The following ANK3 variants were observed in gnomAD, a reference collection of about 807,000 sequenced individuals.
ANK3 encodes ankyrin-3.
A neutral mutation model predicts 370.9 loss-of-function variants in ANK3; 57 were observed. That is an observed-to-expected ratio of 0.15 (90% CI 0.12 to 0.19). The LOEUF is 0.19. Among genes scored for constraint, ANK3 ranks in the 10% least tolerant of loss-of-function variants. The probability of loss-of-function intolerance (pLI) is 1.00; values close to 1 mark genes in which losing one functional copy is unlikely to be tolerated. For missense variants in ANK3, 4,439 were observed against 5,302.1 expected (o/e 0.84, Z 5.06); for synonymous variants, 1,929 against 1,946.3 (o/e 0.99, Z 0.23).
chr10:60,291,516 G>A (rs190532549), intron 1 of ANK3, among the ~76,000 whole-genome samples: 42 of 152,098 alleles, frequency 2.8e-4, no homozygotes, highest in Middle Eastern at 3.4e-3. Context: ...GGAACTGGTA[G>A]GATGATTTGA....
At chr10:60,255,532 TAAATAAA>T (rs1487043285) in intron 7 of ANK3, among the ~76,000 whole-genome samples, 1 of 152,144 alleles carries the variant, frequency 6.6e-6, no homozygotes, top group Non-Finnish European at 1.5e-5. Flanking sequence ...CAATAGCAGA[TAAATAAA>T]ATTATATTTG....
intron 1 of ANK3, among the ~76,000 whole-genome samples, chr10:60,637,657 A>C (rs1271586233): frequency 6.6e-6 from 1 of 152,238 alleles, no homozygotes; most frequent in East Asian, 1.9e-4. Context: ...AAATAAGGGA[A>C]GAATTAAATA....
At chr10:60,668,025 T>A (rs1001438797) in intron 1 of ANK3, among the ~76,000 whole-genome samples, 4 of 151,512 alleles carry the variant, frequency 2.6e-5, no homozygotes, top group African/African-American at 9.8e-5. Context: ...TTCTAGCAAA[T>A]TCCCAGGTGA....
intron 1 of ANK3, among the ~76,000 whole-genome samples, chr10:60,303,571 T>TA (rs1196310916): frequency 1.3e-5 from 2 of 151,960 alleles, no homozygotes; most frequent in Non-Finnish European, 2.9e-5. Flanking sequence ...TAGCTATTAT[T>TA]AAAAAAACAA....
At chr10:60,448,437 G>A (rs953851203) in intron 2 of ANK3, among the ~76,000 whole-genome samples, 1 of 152,196 alleles carries the variant, frequency 6.6e-6, no homozygotes, top group African/African-American at 2.4e-5. Context: ...AACTGCCCTG[G>A]CAGAGGAACA....
At position 60,072,908 on chromosome 10, in the gene ANK3, C is replaced by T. The variant is rs1387264748; in HGVS notation, c.7973G>A (p.Gly2658Asp). The T allele has an allele frequency of 6.2e-7, 1 of 1,614,052 alleles. No homozygotes were observed. The highest frequency in any genetic ancestry group is 2.2e-5 in the East Asian group (1 of 44,874). Residue 2658 changes from glycine to aspartate, a missense_variant, in exon 37 of 44, where the codon GGC becomes GAC. Physicochemically the swap from Gly to Asp is moderately conservative, Grantham distance 94. This residue lies in a region of ANK3 where 1,601 missense variants were observed against 1,731.7 expected (regional missense o/e 0.92). Transcript: ENST00000280772. ...TGCCTTCTCCTCGGCCTTGGGGAAG[C>T]CTTGTCCATCAGGGCCATGCTGTCT... Reference protein sequence around the residue: ...KARQHGPDGQGFPKAEEKAPS... With the variant: ...KARQHGPDGQDFPKAEEKAPS...
chr10:60,389,373 A>G, intron 1 of ANK3, 52 bp downstream of exon 1: 1 of 1,555,334 alleles, frequency 6.4e-7, no homozygotes, highest in Non-Finnish European at 8.8e-7. Context: ...CCAGAGGGAG[A>G]TTAAAACAAA....
At chr10:60,517,127 C>T (rs1165874209) in intron 2 of ANK3, among the ~76,000 whole-genome samples, 4 of 152,062 alleles carry the variant, frequency 2.6e-5, no homozygotes, top group Non-Finnish European at 5.9e-5. Flanking sequence ...TGCACTGGCG[C>T]GATCTTGGCT....
At chr10:60,061,596 C>T (rs1564697218) in intron 40 of ANK3, among the ~76,000 whole-genome samples, 2 of 152,084 alleles carry the variant, frequency 1.3e-5, no homozygotes, top group Non-Finnish European at 2.9e-5. Context: ...TATGGCCTTG[C>T]ATATAAGACA....
At chr10:60,038,339 A>G (rs2075484557) in intron 43 of ANK3, among the ~76,000 whole-genome samples, 1 of 152,168 alleles carries the variant, frequency 6.6e-6, no homozygotes, top group South Asian at 2.1e-4. Flanking sequence ...AGAGGTTGCA[A>G]TGAGCCGATA....
intron 2 of ANK3, among the ~76,000 whole-genome samples, chr10:60,472,310 G>GA (rs773424667): frequency 1.2e-4 from 18 of 151,870 alleles, no homozygotes; most frequent in Admixed American, 1.2e-3. Flanking sequence ...CTCAAGGTCA[G>GA]AAAAAAAATC....
intron 1 of ANK3, among the ~76,000 whole-genome samples, chr10:60,312,272 C>T (rs10821717): frequency 0.58 from 88,334 of 151,956 alleles, 26,255 homozygotes; most frequent in South Asian, 0.78. Context: ...CAGTGCTGGG[C>T]TGGGTGCCTG....
At position 60,464,349 on chromosome 10, in the gene ANK3, A is replaced by G. The variant is rs577787199; in HGVS notation, c.96+150837T>C. 5.3e-5 allele frequency among the ~76,000 whole-genome samples: 8 copies of G among 152,300 alleles called. No homozygotes were observed. In the South Asian group the frequency reaches 1.4e-3, roughly 28 times the overall value. ...AAAATGTGATGCTTCAAATTAACAC[A>G]TATCTTTTTCCTAAAAAATATTTTT... On this transcript the variant is annotated intron_variant, in intron 2 of 43. Transcript: ENST00000373827.
At chr10:60,175,993 T>C (rs951072986) in intron 18 of ANK3, among the ~76,000 whole-genome samples, 1 of 152,024 alleles carries the variant, frequency 6.6e-6, no homozygotes, top group Non-Finnish European at 1.5e-5. Context: ...ATATCATCAG[T>C]GCTCAATAAA....
chr10:60,089,830 C>A (rs1272301221), intron 28 of ANK3, among the ~76,000 whole-genome samples: 1 of 151,702 alleles, frequency 6.6e-6, no homozygotes, highest in East Asian at 1.9e-4. Flanking sequence ...TCCACATATA[C>A]TTTTATATAT....
intron 2 of ANK3, among the ~76,000 whole-genome samples, chr10:60,520,449 A>C (rs1162105790): frequency 6.6e-6 from 1 of 152,070 alleles, no homozygotes; most frequent in East Asian, 1.9e-4. Context: ...AAAAATAATA[A>C]ATTTTGACCA....
At chr10:60,345,019 A>G (rs1414270367) in intron 1 of ANK3, among the ~76,000 whole-genome samples, 1 of 152,176 alleles carries the variant, frequency 6.6e-6, no homozygotes. Flanking sequence ...TGGGTTTGCT[A>G]GTAAATGTCC....
At chr10:60,214,194 A>G (rs1217929238) in intron 8 of ANK3, among the ~76,000 whole-genome samples, 1 of 152,140 alleles carries the variant, frequency 6.6e-6, no homozygotes, top group Admixed American at 6.6e-5. Context: ...TAGTTTATGT[A>G]TCTGCTAATG....
intron 25 of ANK3, among the ~76,000 whole-genome samples, chr10:60,133,899 A>G (rs1485601094): frequency 6.6e-6 from 1 of 152,202 alleles, no homozygotes; most frequent in Non-Finnish European, 1.5e-5. Context: ...AGCCTGGGTG[A>G]CAGAGACTCT....
Sources: gnomAD v4.1 joint callset for allele counts (sites outside exome capture counted in the v4.1 genomes callset) on GRCh38, gnomAD v4.1.1 for gene constraint, gnomAD v4.1.1 regional missense constraint, MANE v1.5 for transcripts, NCBI Gene and HGNC (gene_info 2026-07-23, HGNC 2026-07-21) for gene names.